The following CHAT variants were observed in gnomAD, a reference collection of about 807,000 sequenced individuals.
The protein encoded by CHAT is choline O-acetyltransferase.
CHAT carries 61 observed loss-of-function variants against 76.9 expected under a neutral mutation model. The observed-to-expected ratio is 0.79, with a 90% CI of 0.65 to 0.98. The LOEUF is 0.98. CHAT is among the 50% of genes least tolerant of loss of function. The pLI is 0.00. For missense variants in CHAT, 946 were observed against 986.9 expected (o/e 0.96, Z 0.56); for synonymous variants, 407 against 397.4 (o/e 1.02, Z -0.29).
At chr10:49,633,088 G>A (rs1839179774) in intron 7 of CHAT, among the ~76,000 whole-genome samples, 1 of 152,234 alleles carries the variant, frequency 6.6e-6, no homozygotes, top group Non-Finnish European at 1.5e-5. Flanking sequence ...CGTCCACAGA[G>A]GAACTTGAAG....
intron 7 of CHAT, among the ~76,000 whole-genome samples, chr10:49,634,388 C>T (rs537325677): frequency 6.6e-6 from 1 of 152,352 alleles, no homozygotes; most frequent in African/African-American, 2.4e-5. Context: ...GGGGATCACG[C>T]TGGGGATGCT....
intron 7 of CHAT, among the ~76,000 whole-genome samples, chr10:49,631,099 T>C (rs1221606320): frequency 6.6e-6 from 1 of 152,110 alleles, no homozygotes; most frequent in East Asian, 1.9e-4. Flanking sequence ...AGTTGGTGAG[T>C]GTAACTGGTA....
upstream of CHAT, chr10:49,611,584 A>T: frequency 6.2e-7 from 1 of 1,609,050 alleles, no homozygotes; most frequent in Non-Finnish European, 8.5e-7. Context: ...GGGCACTCCC[A>T]TCCACCGCCT....
At chr10:49,632,290 G>T (rs1839151523) in intron 7 of CHAT, among the ~76,000 whole-genome samples, 1 of 152,328 alleles carries the variant, frequency 6.6e-6, no homozygotes, top group South Asian at 2.1e-4. Context: ...AGGACTGCAT[G>T]CGCGTAGAGG....
chr10:49,616,439 T>G (rs1590555177), intron 1 of CHAT, 63 bp from the exon 2 acceptor site: 1 of 1,284,412 alleles, frequency 7.8e-7, no homozygotes. Flanking sequence ...TGGCGGGAGG[T>G]GGAGGGTTTG....
At chr10:49,614,992 G>A (rs532537405) in intron 1 of CHAT, among the ~76,000 whole-genome samples, 4 of 75,984 alleles carry the variant, frequency 5.3e-5, no homozygotes, top group African/African-American at 2.0e-4. Context: ...ATGGGTGGGA[G>A]GCACAAAACA....
intron 4 of CHAT, among the ~76,000 whole-genome samples, chr10:49,621,322 C>A (rs1474861688): frequency 6.6e-6 from 1 of 152,194 alleles, no homozygotes; most frequent in Non-Finnish European, 1.5e-5. Flanking sequence ...CCCACCCCAC[C>A]CTACCAGCTG....
upstream of CHAT, among the ~76,000 whole-genome samples, chr10:49,609,691 A>G (rs1564464681): frequency 6.6e-6 from 1 of 152,060 alleles, no homozygotes. Context: ...GGTCAGAGCC[A>G]GGCCAGGCAG....
At chr10:49,655,522 C>A in intron 13 of CHAT, 74 bp downstream of exon 13, 1 of 1,368,720 alleles carries the variant, frequency 7.3e-7, no homozygotes, top group Non-Finnish European at 1.0e-6. Context: ...GGCACCACGG[C>A]ATAAGACCCT....
At chr10:49,610,429 T>C (rs988281433), upstream of CHAT, 1 of 324,762 alleles carries the variant, frequency 3.1e-6, no homozygotes. Context: ...CGGGGGCTGC[T>C]CTGGGCGCGC....
chr10:49,641,311 C>A lies in CHAT; in HGVS notation c.1112-5194C>A, dbSNP rs572907126. On this transcript the variant is annotated intron_variant, in intron 7 of 14. Coordinates refer to ENST00000337653, the MANE Select transcript of CHAT (RefSeq NM_020549.5). ...CCAGAGAATCTGCTGCTATGATGTT[C>A]CTTGGGTCCTGAGGTCCCTGGCTGG... Among the ~76,000 whole-genome samples, 5 of 152,310 alleles carry A rather than the reference C, an allele frequency of 3.3e-5. No individual in the cohort carries two copies. The South Asian group carries it at 1.0e-3, about 32-fold the overall frequency.
At chr10:49,621,658 G>T (rs1270275828) in intron 4 of CHAT, among the ~76,000 whole-genome samples, 1 of 152,234 alleles carries the variant, frequency 6.6e-6, no homozygotes, top group Middle Eastern at 3.4e-3. Context: ...TTCCAAGGAA[G>T]AACTCCACCC....
rs753652169 is a variant in CHAT, at chr10:49,655,175, C to A, written c.1715C>A (p.Ser572Ter). Residue 572 changes from serine (S) to a stop codon, truncating the protein, a stop_gained, in exon 12 of 15, where the codon TCG (serine) becomes TAG (stop). Coordinates refer to ENST00000337653, the MANE Select transcript of CHAT (RefSeq NM_020549.5). LOFTEE classifies it high-confidence loss of function. ...FQEGRVDNIR[S>*]ATPEALAFVR... ...GAGGGACGCGTGGACAACATCAGAT[C>A]GGCCACTCCAGAGGCACTGGCTTTT... 2 of 1,614,060 alleles carry A rather than the reference C, an allele frequency of 1.2e-6. No homozygotes were observed. The highest frequency in any genetic ancestry group is 8.5e-7 in the Non-Finnish European group (1 of 1,180,014).
At chr10:49,627,886 A>G (rs1838982039) in intron 7 of CHAT, 101 bp downstream of exon 7, 1 of 1,369,580 alleles carries the variant, frequency 7.3e-7, no homozygotes, top group Non-Finnish European at 1.0e-6. Context: ...CCCATCAGCC[A>G]TAGTGTGGGA....
upstream of CHAT, chr10:49,612,466 G>C (rs974638044): frequency 3.3e-6 from 3 of 920,132 alleles, no homozygotes; most frequent in Non-Finnish European, 5.0e-6. Flanking sequence ...CCTCAACCTT[G>C]ACTTCTGCCC....
At chr10:49,630,956 G>C (rs1478937597) in intron 7 of CHAT, among the ~76,000 whole-genome samples, 1 of 152,150 alleles carries the variant, frequency 6.6e-6, no homozygotes, top group Non-Finnish European at 1.5e-5. Context: ...AAGAAGACTT[G>C]AAAAACTTGA....
intron 14 of CHAT, among the ~76,000 whole-genome samples, 188 bp downstream of exon 14, chr10:49,662,970 C>T (rs1840244498): frequency 6.6e-6 from 1 of 152,208 alleles, no homozygotes; most frequent in Admixed American, 6.5e-5. Context: ...TGGTGGCTTA[C>T]AACTATAATC....
Position 49,622,273 on chromosome 10 carries a change from G to A in CHAT, c.752+123G>A, listed in dbSNP as rs1392547705. The A allele has an allele frequency of 2.8e-6, 3 of 1,056,462 alleles. No individual in the cohort carries two copies. In the African/African-American group the frequency reaches 4.7e-5, roughly 16 times the overall value. The allele number at this position is 1,056,462 out of a possible 1,614,324, so 65.4% of individuals were successfully genotyped here. A position where few individuals can be genotyped will look rare whatever the true frequency, so the allele number is the denominator to read the frequency against. ...TCCTGGCTCCTGGCACAGAGCAGAT[G>A]TCCCTGCCCCAACCCACTCCCCCAC... is the stretch of plus-strand genomic sequence containing the variant. On this transcript the variant is annotated intron_variant, in intron 5 of 14. Transcript: ENST00000337653.
chr10:49,647,622 A>G (rs148911173), intron 8 of CHAT, among the ~76,000 whole-genome samples: 161 of 152,324 alleles, frequency 1.1e-3, no homozygotes, highest in African/African-American at 3.8e-3. Flanking sequence ...CAGCTGTTTT[A>G]GCCTCTACAG....
Sources: gnomAD v4.1 joint callset for allele counts (sites outside exome capture counted in the v4.1 genomes callset) on GRCh38, gnomAD v4.1.1 for gene constraint, MANE v1.5 for transcripts, NCBI Gene and HGNC (gene_info 2026-07-23, HGNC 2026-07-21) for gene names.